Variants in SLC9D1 observed in about 807,000 individuals in gnomAD.
The protein encoded by SLC9D1 is solute carrier family 9 member D1.
At chr13:113,541,283 C>G in the SLC9D1 span, among the ~76,000 whole-genome samples, 1 of 151,112 alleles carries the variant, frequency 6.6e-6, no homozygotes, top group Non-Finnish European at 1.5e-5. Context: ...GGATGATACG[C>G]ACACGATTGC....
the SLC9D1 span, among the ~76,000 whole-genome samples, chr13:113,513,492 TAAG>T: frequency 3.9e-5 from 6 of 151,986 alleles, no homozygotes; most frequent in Non-Finnish European, 8.8e-5. Context: ...CTCTAGATAG[TAAG>T]AAGATAGGAG....
chr13:113,509,150 CTGAG>C, the SLC9D1 span, among the ~76,000 whole-genome samples: 9 of 142,746 alleles, frequency 6.3e-5, no homozygotes, highest in South Asian at 4.5e-4. Context: ...CTGGAGGTGC[CTGAG>C]TATGTTGGGG....
At chr13:113,539,484 C>T in the SLC9D1 span, 1 of 1,612,970 alleles carries the variant, frequency 6.2e-7, no homozygotes, top group Non-Finnish European at 8.5e-7. This position sits in a 1 kb window ranked among gnomAD's most constrained non-coding sequence, Gnocchi z 4.8. Context: ...GACTTCCTGG[C>T]CATCGTTTTC....
chr13:113,493,953 G>GAATGCTGCCTCCAGA, the SLC9D1 span, among the ~76,000 whole-genome samples: 1 of 152,224 alleles, frequency 6.6e-6, no homozygotes. Flanking sequence ...GGTTTGGGCA[G>GAATGCTGCCTCCAGA]AATGCTGCCT....
the SLC9D1 span, among the ~76,000 whole-genome samples, chr13:113,533,478 A>G: frequency 1.3e-5 from 2 of 152,220 alleles, no homozygotes; most frequent in African/African-American, 2.4e-5. Context: ...AAATATAGGT[A>G]TATTTGTGAA....
the SLC9D1 span, among the ~76,000 whole-genome samples, chr13:113,516,761 G>T: frequency 1.5e-3 from 233 of 152,058 alleles, 1 homozygote; most frequent in African/African-American, 5.4e-3. Flanking sequence ...CCCAACCCTC[G>T]AAGGAGTCCA....
chr13:113,503,353 G>GAC, the SLC9D1 span: 1,088 of 288,538 alleles, frequency 3.8e-3, 6 homozygotes, highest in African/African-American at 0.045. Flanking sequence ...GATTGTGTGT[G>GAC]TGTGTGTGTG....
the SLC9D1 span, chr13:113,495,778 C>T: frequency 6.2e-7 from 1 of 1,614,094 alleles, no homozygotes; most frequent in Non-Finnish European, 8.5e-7. Context: ...CAGAAGAATG[C>T]AGTTCTGAAC....
the SLC9D1 span, chr13:113,495,448 G>A: frequency 1.6e-6 from 1 of 642,112 alleles, no homozygotes; most frequent in East Asian, 2.6e-5. Context: ...TTAATACTCT[G>A]ATCAATAGTA....
At chr13:113,517,264 G>A in the SLC9D1 span, among the ~76,000 whole-genome samples, 2 of 152,060 alleles carry the variant, frequency 1.3e-5, no homozygotes, top group African/African-American at 2.4e-5. Context: ...GAGGAGTCTC[G>A]CTCTGTCGCC....
the SLC9D1 span, chr13:113,529,384 C>CTT: frequency 6.6e-6 from 1 of 150,858 alleles, no homozygotes; most frequent in African/African-American, 2.4e-5. Flanking sequence ...GGCGCAGCGG[C>CTT]TTCCGCCTGT....
the SLC9D1 span, chr13:113,520,517 T>G: frequency 1.6e-6 from 1 of 641,944 alleles, no homozygotes; most frequent in Non-Finnish European, 2.4e-6. Flanking sequence ...AGTGCCAAAA[T>G]AATTTGAGTT....
At chr13:113,524,218 C>CT in the SLC9D1 span, 1 of 453,926 alleles carries the variant, frequency 2.2e-6, no homozygotes, top group Admixed American at 2.4e-5. Context: ...GGATATTTGT[C>CT]TGTTTCTCCT....
chr13:113,529,469 T>A, the SLC9D1 span: 1 of 152,134 alleles, frequency 6.6e-6, no homozygotes, highest in African/African-American at 2.4e-5. Context: ...GCTAACACGG[T>A]GAAACCCCGT....
At chr13:113,549,790 T>C in the SLC9D1 span, 1 of 651,546 alleles carries the variant, frequency 1.5e-6, no homozygotes, top group East Asian at 2.7e-5. Flanking sequence ...ACCGATCACC[T>C]TGAATGTGGT....
chr13:113,543,092 C>G, the SLC9D1 span, among the ~76,000 whole-genome samples: 1 of 82,806 alleles, frequency 1.2e-5, no homozygotes, highest in African/African-American at 4.5e-5. Context: ...TGTCTGTGAC[C>G]CCCACCTCCT....
At chr13:113,524,269 T>C in the SLC9D1 span, 1 of 429,406 alleles carries the variant, frequency 2.3e-6, no homozygotes, top group Non-Finnish European at 4.6e-6. Context: ...TTTGGGGCTC[T>C]TTTGTTTGGT....
At chr13:113,513,021 C>T in the SLC9D1 span, among the ~76,000 whole-genome samples, 2 of 152,110 alleles carry the variant, frequency 1.3e-5, no homozygotes, top group African/African-American at 4.8e-5. Flanking sequence ...GAGCCCATCT[C>T]CAACACTGAT....
the SLC9D1 span, among the ~76,000 whole-genome samples, chr13:113,540,964 G>A: frequency 2.6e-5 from 4 of 152,326 alleles, no homozygotes; most frequent in Admixed American, 1.3e-4. Context: ...TGTTTGTTGA[G>A]TGGGGAGTCC....
Sources: allele counts gnomAD v4.1 joint callset (sites outside exome capture counted in the v4.1 genomes callset), GRCh38; gene constraint gnomAD v4.1.1; non-coding constraint Gnocchi (gnomAD v3.1); transcripts MANE v1.5; gene names NCBI Gene and HGNC (gene_info 2026-07-23, HGNC 2026-07-21).